The following DYNC1LI1 variants were observed in gnomAD, a reference collection of about 807,000 sequenced individuals.
DYNC1LI1 encodes cytoplasmic dynein 1 light intermediate chain 1.
A neutral mutation model predicts 63.8 loss-of-function variants in DYNC1LI1; 19 were observed. That is an observed-to-expected ratio of 0.30 (90% confidence interval 0.21 to 0.44). DYNC1LI1 has a LOEUF of 0.44. Ranked by LOEUF, DYNC1LI1 falls within the 20% of genes least tolerant of loss-of-function variation. The probability of loss-of-function intolerance (pLI) is 1.00; values close to 1 mark genes in which losing one functional copy is unlikely to be tolerated. For synonymous variants in DYNC1LI1, 225 were observed against 232.3 expected (o/e 0.97, Z 0.28); for missense variants, 565 against 630.2 (o/e 0.90, Z 1.11).
chr3:32,563,216 T>C (rs932616782), intron 2 of DYNC1LI1, among the ~76,000 whole-genome samples: 1 of 152,056 alleles, frequency 6.6e-6, no homozygotes, highest in African/African-American at 2.4e-5. Context: ...CTGTGGGGTC[T>C]TTCTAATAGC....
At chr3:32,567,956 G>A (rs1046185741) in intron 2 of DYNC1LI1, among the ~76,000 whole-genome samples, 1 of 152,040 alleles carries the variant, frequency 6.6e-6, no homozygotes, top group Admixed American at 6.6e-5. Context: ...CGCTCACCTA[G>A]GCCTCCTAAA....
chr3:32,542,852 G>A (rs1697900639), intron 4 of DYNC1LI1, among the ~76,000 whole-genome samples: 1 of 152,288 alleles, frequency 6.6e-6, no homozygotes, highest in Non-Finnish European at 1.5e-5. Flanking sequence ...ATTTACATGG[G>A]GTCAAGGAAT....
chr3:32,556,362 T>G (rs1698115177), intron 2 of DYNC1LI1, among the ~76,000 whole-genome samples: 2 of 152,218 alleles, frequency 1.3e-5, no homozygotes, highest in African/African-American at 4.8e-5. Flanking sequence ...AGTCTATAAG[T>G]GTGTCAGGTA....
chr3:32,555,783 T>C (rs957208367), intron 2 of DYNC1LI1, among the ~76,000 whole-genome samples: 5 of 152,236 alleles, frequency 3.3e-5, no homozygotes, highest in African/African-American at 1.2e-4. Flanking sequence ...TGTACTGATA[T>C]CTGCAACTTA....
intron 2 of DYNC1LI1, among the ~76,000 whole-genome samples, chr3:32,551,888 C>T (rs571877536): frequency 6.6e-6 from 1 of 152,150 alleles, no homozygotes; most frequent in Non-Finnish European, 1.5e-5. Context: ...GCCCTTCTCA[C>T]TCTATATGTA....
chr3:32,539,121 A>C (rs1328248939), intron 5 of DYNC1LI1, among the ~76,000 whole-genome samples: 1 of 152,174 alleles, frequency 6.6e-6, no homozygotes, highest in Non-Finnish European at 1.5e-5. Flanking sequence ...ACCAACCAAA[A>C]CAAAATAAAA....
chr3:32,556,077 T>C (rs935485514), intron 2 of DYNC1LI1, among the ~76,000 whole-genome samples: 1 of 152,172 alleles, frequency 6.6e-6, no homozygotes, highest in African/African-American at 2.4e-5. Context: ...CCCACCAACA[T>C]ACTAGGCTCT....
At chr3:32,528,176 T>C (rs1443852773) in intron 12 of DYNC1LI1, among the ~76,000 whole-genome samples, 1 of 142,210 alleles carries the variant, frequency 7.0e-6, no homozygotes, top group Non-Finnish European at 1.5e-5. Flanking sequence ...TTACAACATG[T>C]ATGACCTTCA....
chr3:32,570,350 C>T lies in DYNC1LI1; in HGVS notation c.216G>A (p.Leu72=). ...SKLPAGKNVL[L]LGEDGAGKTS... ...GGCGAGGCAGGGAACACTTACCCAG[C>T]AGTAGCACGTTCTTCCCCGCAGGGA... is the stretch of plus-strand genomic sequence containing the variant. Residue 72 remains leucine (L), a synonymous_variant, in exon 2 of 13, where the codon CTG becomes CTA. Coordinates refer to ENST00000273130, the MANE Select transcript of DYNC1LI1 (RefSeq NM_016141.4). 6.2e-7 allele frequency: 1 copy of T among 1,600,550 alleles called. No homozygotes were observed. Among genetic ancestry groups the T allele is most frequent in the South Asian group, 1.1e-5 (1 of 89,006 alleles).
At chr3:32,528,052 C>T (rs776035316) in intron 12 of DYNC1LI1, among the ~76,000 whole-genome samples, 13 of 120,148 alleles carry the variant, frequency 1.1e-4, no homozygotes, top group East Asian at 8.5e-4. Context: ...ACCCTGGAGG[C>T]GGAGGCTGCA....
chr3:32,540,226 T>C (rs1697861604), intron 5 of DYNC1LI1, among the ~76,000 whole-genome samples: 2 of 152,074 alleles, frequency 1.3e-5, no homozygotes, highest in South Asian at 4.1e-4. Flanking sequence ...TACAGTGAAA[T>C]AACCAATAAT....
chr3:32,560,513 T>G (rs931162677), intron 2 of DYNC1LI1, among the ~76,000 whole-genome samples: 1 of 152,016 alleles, frequency 6.6e-6, no homozygotes, highest in Non-Finnish European at 1.5e-5. Context: ...ATAGTAAACA[T>G]GCTACATAAT....
chr3:32,548,675 A>G (rs952754654), intron 2 of DYNC1LI1, among the ~76,000 whole-genome samples: 2 of 152,210 alleles, frequency 1.3e-5, no homozygotes, highest in Non-Finnish European at 2.9e-5. Flanking sequence ...CAAGAGACCT[A>G]TTGTACAACT....
intron 11 of DYNC1LI1, among the ~76,000 whole-genome samples, chr3:32,529,011 G>GA (rs1697659683): frequency 6.6e-6 from 1 of 152,078 alleles, no homozygotes; most frequent in Non-Finnish European, 1.5e-5. Flanking sequence ...ACAATTCACA[G>GA]AAGAGAAACA....
intron 2 of DYNC1LI1, among the ~76,000 whole-genome samples, chr3:32,548,002 CAT>C (rs765566544): frequency 6.6e-6 from 1 of 151,836 alleles, no homozygotes; most frequent in Non-Finnish European, 1.5e-5. Flanking sequence ...CATGTATACA[CAT>C]ACACACACAT....
chr3:32,537,971 T>TAATATATATATAATATATATATATA (rs58724831), intron 5 of DYNC1LI1, among the ~76,000 whole-genome samples: 1 of 34,902 alleles, frequency 2.9e-5, no homozygotes, highest in Non-Finnish European at 4.6e-5. Context: ...AATATATATA[T>TAATATATATATAATATATATATATA]ATTTATATAT....
intron 2 of DYNC1LI1, among the ~76,000 whole-genome samples, chr3:32,546,655 T>C (rs1187338647): frequency 2.0e-5 from 3 of 152,148 alleles, no homozygotes; most frequent in African/African-American, 7.2e-5. Context: ...GTAAAGACTC[T>C]TAATTGGCCC....
chr3:32,544,739 T>C, intron 4 of DYNC1LI1, 137 bp downstream of exon 4: 2 of 628,438 alleles, frequency 3.2e-6, no homozygotes, highest in Non-Finnish European at 2.7e-6. Context: ...AAGACTCTTG[T>C]CTCCAAAAAA....
chr3:32,529,202 T>C (rs920152490), intron 11 of DYNC1LI1, among the ~76,000 whole-genome samples: 3 of 152,228 alleles, frequency 2.0e-5, no homozygotes, highest in African/African-American at 7.2e-5. Context: ...ATCCCACTTA[T>C]GGCAATTATT....
Sources: allele counts gnomAD v4.1 joint callset (sites outside exome capture counted in the v4.1 genomes callset), GRCh38; gene constraint gnomAD v4.1.1; transcripts MANE v1.5; gene names NCBI Gene and HGNC (gene_info 2026-07-23, HGNC 2026-07-21).